PRDM6: variants seen among roughly 807,000 people sequenced by gnomAD.
The protein encoded by PRDM6 is putative histone-lysine N-methyltransferase PRDM6.
A neutral mutation model predicts 60.8 loss-of-function variants in PRDM6; 25 were observed. That is an observed-to-expected ratio of 0.41 (90% CI 0.30 to 0.57). The LOEUF (loss-of-function observed/expected upper bound fraction) is 0.57. Among genes scored for constraint, PRDM6 ranks in the 20% least tolerant of loss-of-function variants. The pLI is 0.27. For synonymous variants in PRDM6, 407 were observed against 357.4 expected (o/e 1.14, Z -1.57); for missense variants, 839 against 821.3 (o/e 1.02, Z -0.26).
chr5:123,180,176 C>T lies in PRDM6; in HGVS notation c.1526C>T (p.Ser509Phe). ...TACCAATGCGGCCACTGCTCCCAGT[C>T]CTTTTCCCAGCCTTCAGAACTGAGG... ...RPYQCGHCSQSFSQPSELRNH... is the reference protein window; with the variant it reads ...RPYQCGHCSQFFSQPSELRNH... Residue 509 changes from serine (S) to phenylalanine (F), a missense_variant, in exon 7 of 8, where the codon TCC (serine) becomes TTC (phenylalanine). By Grantham distance (155) the Ser-to-Phe change is radical (BLOSUM62 -2). Transcript: ENST00000407847. 2.6e-6 allele frequency: 4 copies of T among 1,551,564 alleles called. No individual in the cohort carries two copies. Among genetic ancestry groups the T allele is most frequent in the Non-Finnish European group, 3.5e-6 (4 of 1,146,656 alleles).
At chr5:123,152,792 G>A (rs1432755690) in intron 3 of PRDM6, among the ~76,000 whole-genome samples, 1 of 152,204 alleles carries the variant, frequency 6.6e-6, no homozygotes, top group Non-Finnish European at 1.5e-5. Flanking sequence ...GCATGGGAGA[G>A]AGTGGCACTT....
intron 3 of PRDM6, among the ~76,000 whole-genome samples, chr5:123,132,007 G>A (rs1433196125): frequency 1.3e-5 from 2 of 152,150 alleles, no homozygotes; most frequent in Middle Eastern, 3.2e-3. Flanking sequence ...TGAGAATGAC[G>A]TCAGTTAACA....
In PRDM6 at chr5:123,099,539, TGGCTTACCCAGGC is replaced by T. The variant is rs1764048024; in HGVS notation, c.593-112_593-100del. On this transcript the variant is annotated intron_variant, in intron 2 of 7. Coordinates refer to ENST00000407847, the MANE Select transcript of PRDM6 (RefSeq NM_001136239.4). This position sits in a 1 kb window ranked among gnomAD's most constrained non-coding sequence, Gnocchi z 4.0. ...CCCAAGGCATCACCTTCCTCGAAGGTGGCTTACCCAGGCGGGCGGTGATGCTGTTGTCTCGGGA... is the reference window on the plus strand; with the variant it reads ...CCCAAGGCATCACCTTCCTCGAAGGTGGGCGGTGATGCTGTTGTCTCGGGA... 1.0e-6 allele frequency: 1 copy of T among 957,170 alleles called. No individual in the cohort carries two copies. The highest frequency in any genetic ancestry group is 1.7e-5 in the African/African-American group (1 of 57,948). 59.3% of individuals were successfully genotyped at this position (957,170 alleles called of 1,614,324 possible).
chr5:123,173,190 C>CA (rs60742506), intron 6 of PRDM6, among the ~76,000 whole-genome samples: 39,548 of 118,766 alleles, frequency 0.33, 5,692 homozygotes, highest in East Asian at 0.56. Context: ...GACTCCATCT[C>CA]AAAAAAAAAA....
At chr5:123,120,841 A>G (rs917536368) in intron 3 of PRDM6, among the ~76,000 whole-genome samples, 1 of 152,156 alleles carries the variant, frequency 6.6e-6, no homozygotes, top group African/African-American at 2.4e-5. Context: ...TTTAGTGAGC[A>G]TATTTGGACA....
rs1179885100 is a variant in PRDM6 at position 123,192,164 on chromosome 5, G to A, written c.*4963G>A. 6.6e-6 allele frequency: 1 copy of A among 152,186 alleles called. No individual in the cohort carries two copies. Among genetic ancestry groups the A allele is most frequent in the Non-Finnish European group, 1.5e-5 (1 of 68,034 alleles). The allele number at this position is 152,186 out of a possible 1,614,324, so 9.4% of individuals were successfully genotyped here. A position where few individuals can be genotyped will look rare whatever the true frequency, so the allele number is the denominator to read the frequency against. On this transcript the variant is annotated 3_prime_UTR_variant, in exon 8 of 8. Transcript: ENST00000407847. ...TCCCACAGAGGTTGATGGGAATGAT[G>A]ATGATTATAAATTATATTGTGCAAT...
intron 3 of PRDM6, among the ~76,000 whole-genome samples, chr5:123,132,530 C>G (rs1248184218): frequency 6.6e-6 from 1 of 152,024 alleles, no homozygotes; most frequent in Admixed American, 6.6e-5. Context: ...TATATCATCC[C>G]CATATCTCTG....
chr5:123,132,302 A>G (rs1204634024), intron 3 of PRDM6, among the ~76,000 whole-genome samples: 1 of 152,186 alleles, frequency 6.6e-6, no homozygotes, highest in Non-Finnish European at 1.5e-5. Context: ...GCCTTTCAAA[A>G]TTAGAATTAT....
chr5:123,110,970 A>G (rs1472585516), intron 3 of PRDM6, among the ~76,000 whole-genome samples: 1 of 152,084 alleles, frequency 6.6e-6, no homozygotes, highest in Non-Finnish European at 1.5e-5. Flanking sequence ...CCACAGTAAT[A>G]TCTGTGCCCC....
At chr5:123,089,812 C>T (rs1263763187) in intron 1 of PRDM6, among the ~76,000 whole-genome samples, 188 bp from the exon 2 acceptor site, 1 of 152,200 alleles carries the variant, frequency 6.6e-6, no homozygotes, top group Non-Finnish European at 1.5e-5. Context: ...ACACAGCTCC[C>T]TCTGTGCGGC....
At chr5:123,116,059 T>C (rs681422) in intron 3 of PRDM6, among the ~76,000 whole-genome samples, 133,270 of 152,150 alleles carry the variant, frequency 0.88, 58,845 homozygotes, top group East Asian at 0.99. Context: ...ACTGTTTTGT[T>C]GCTGTGCCCT....
At chr5:123,117,855 G>A (rs537741624) in intron 3 of PRDM6, among the ~76,000 whole-genome samples, 4 of 152,250 alleles carry the variant, frequency 2.6e-5, no homozygotes, top group Non-Finnish European at 4.4e-5. Context: ...GCTAATGGGC[G>A]CAGTTCCGAT....
At chr5:123,089,621 G>T in intron 1 of PRDM6, 102 bp downstream of exon 1, 1 of 211,184 alleles carries the variant, frequency 4.7e-6, no homozygotes, top group Non-Finnish European at 9.3e-6. Context: ...TCTGCCTCCT[G>T]GCGCCTGAGG....
At chr5:123,133,480 C>G (rs944847922) in intron 3 of PRDM6, among the ~76,000 whole-genome samples, 10 of 152,036 alleles carry the variant, frequency 6.6e-5, no homozygotes, top group African/African-American at 9.7e-5. Flanking sequence ...ACCTAAATAT[C>G]CTTTTTTATT....
chr5:123,136,584 C>T (rs1389507435), intron 3 of PRDM6, among the ~76,000 whole-genome samples: 3 of 152,102 alleles, frequency 2.0e-5, no homozygotes, highest in Admixed American at 2.0e-4. Context: ...ATTTTGGAGC[C>T]TTTTGACCAA....
intron 3 of PRDM6, among the ~76,000 whole-genome samples, chr5:123,136,209 C>G (rs1410493307): frequency 2.0e-5 from 3 of 152,062 alleles, no homozygotes; most frequent in African/African-American, 7.2e-5. Context: ...ACCTTTATCT[C>G]CTTTTGGAAA....
rs572160753 is a variant in PRDM6, at chr5:123,154,505, A to AAAAAT, written c.901-1360_901-1356dup. 2.0e-3 allele frequency among the ~76,000 whole-genome samples: 305 copies of AAAAAT among 152,182 alleles called. 1 individual carries two copies. Among genetic ancestry groups the AAAAAT allele is most frequent in the African/African-American group, 6.5e-3 (268 of 41,514 alleles). Reference sequence around the variant, plus strand: ...GAGAGGAATGAGTTCAAGAAAAGCAAAAAATAAAATAAAATAAAATAAATA... The same window carrying AAAAAT: ...GAGAGGAATGAGTTCAAGAAAAGCAAAAAATAAAATAAAATAAAATAAAATAAATA... On this transcript the variant is annotated intron_variant, in intron 3 of 7. Transcript: ENST00000407847.
chr5:123,171,735 A>G (rs1765893534), intron 6 of PRDM6, among the ~76,000 whole-genome samples: 1 of 152,220 alleles, frequency 6.6e-6, no homozygotes, highest in Non-Finnish European at 1.5e-5. Context: ...AAGTTTGTCA[A>G]TAAAGAATTT....
At chr5:123,179,556 T>C (rs1766095700) in intron 6 of PRDM6, among the ~76,000 whole-genome samples, 1 of 152,204 alleles carries the variant, frequency 6.6e-6, no homozygotes, top group African/African-American at 2.4e-5. Flanking sequence ...ACATGTAACT[T>C]GCTGACTTGC....
Sources: allele counts gnomAD v4.1 joint callset (sites outside exome capture counted in the v4.1 genomes callset), GRCh38; gene constraint gnomAD v4.1.1; non-coding constraint Gnocchi (gnomAD v3.1); transcripts MANE v1.5; gene names NCBI Gene and HGNC (gene_info 2026-07-23, HGNC 2026-07-21).